Variants in DTNA observed in about 807,000 individuals in gnomAD.
DTNA encodes the protein dystrobrevin alpha.
A neutral mutation model predicts 100.7 loss-of-function variants in DTNA; 43 were observed. That is an observed-to-expected ratio of 0.43 (90% CI 0.33 to 0.55). The LOEUF is 0.55. DTNA is among the 20% of genes least tolerant of loss of function. The pLI is 0.04. For synonymous variants in DTNA, 349 were observed against 347.9 expected (o/e 1.00, Z -0.04); for missense variants, 798 against 953.9 (o/e 0.84, Z 2.15).
At chr18:34,587,818 C>T (rs2049292086) in intron 1 of DTNA, among the ~76,000 whole-genome samples, 1 of 152,160 alleles carries the variant, frequency 6.6e-6, no homozygotes, top group African/African-American at 2.4e-5. Flanking sequence ...TTCCAGATCA[C>T]ATATATAGGA....
chr18:34,807,152 A>C (rs2095382946), intron 5 of DTNA, among the ~76,000 whole-genome samples: 1 of 152,128 alleles, frequency 6.6e-6, no homozygotes, highest in African/African-American at 2.4e-5. Context: ...AAGCATATTT[A>C]TTTCTAACTA....
intron 1 of DTNA, among the ~76,000 whole-genome samples, chr18:34,607,017 A>T (rs2147365919): frequency 6.6e-6 from 1 of 152,314 alleles, no homozygotes; most frequent in African/African-American, 2.4e-5. Context: ...TTCCCACGAA[A>T]GGGACTGAAG....
At chr18:34,520,193 C>T (rs1015737124) in intron 1 of DTNA, among the ~76,000 whole-genome samples, 1 of 152,152 alleles carries the variant, frequency 6.6e-6, no homozygotes, top group Non-Finnish European at 1.5e-5. Context: ...TCTTAACAGC[C>T]AGTGTTGACA....
intron 1 of DTNA, among the ~76,000 whole-genome samples, chr18:34,697,118 G>A (rs551401817): frequency 1.3e-5 from 2 of 149,816 alleles, no homozygotes; most frequent in Non-Finnish European, 2.9e-5. Context: ...CTTCTAAAAA[G>A]TACAAAGGCT....
intron 1 of DTNA, among the ~76,000 whole-genome samples, chr18:34,581,769 G>T (rs1171766632): frequency 6.6e-6 from 1 of 151,824 alleles, no homozygotes; most frequent in Non-Finnish European, 1.5e-5. Context: ...GACTACAGGT[G>T]CACACCACCA....
intron 1 of DTNA, among the ~76,000 whole-genome samples, chr18:34,679,275 ATG>A (rs1244872355): frequency 6.6e-5 from 10 of 152,234 alleles, no homozygotes; most frequent in Admixed American, 6.5e-4. Flanking sequence ...TCTACCATAA[ATG>A]TCTGTTATTA....
At chr18:34,667,587 A>T (rs1244755663) in intron 1 of DTNA, among the ~76,000 whole-genome samples, 9 of 151,540 alleles carry the variant, frequency 5.9e-5, no homozygotes, top group African/African-American at 1.2e-4. Flanking sequence ...TATTATTTTT[A>T]GATATGTCCC....
At chr18:34,669,715 G>C (rs2144979254) in intron 1 of DTNA, among the ~76,000 whole-genome samples, 1 of 152,232 alleles carries the variant, frequency 6.6e-6, no homozygotes, top group East Asian at 1.9e-4. Context: ...TGAAATTCTG[G>C]GTCGAAAATT....
At chr18:34,821,295 CT>C (rs2095710392) in intron 9 of DTNA, among the ~76,000 whole-genome samples, 1 of 152,086 alleles carries the variant, frequency 6.6e-6, no homozygotes. Context: ...AATATAAAAG[CT>C]GTTTGTTTTA....
intron 1 of DTNA, among the ~76,000 whole-genome samples, chr18:34,678,635 G>C (rs2077683167): frequency 6.6e-6 from 1 of 152,182 alleles, no homozygotes. Flanking sequence ...GGAGAAGCAA[G>C]GAAGAAAGGG....
intron 1 of DTNA, chr18:34,663,085 A>AC (rs2075412348): frequency 6.6e-6 from 1 of 152,194 alleles, no homozygotes; most frequent in Non-Finnish European, 1.5e-5. Context: ...GTGAAAAACA[A>AC]AGCAAGCAAC....
intron 1 of DTNA, among the ~76,000 whole-genome samples, chr18:34,636,366 C>T (rs1226467205): frequency 6.6e-6 from 1 of 152,168 alleles, no homozygotes; most frequent in African/African-American, 2.4e-5. Context: ...CCTCCTGCCT[C>T]GGCCTCCCAA....
intron 16 of DTNA, 28 bp downstream of exon 16, chr18:34,858,426 G>A (rs1475242729): frequency 6.2e-7 from 1 of 1,604,704 alleles, no homozygotes; most frequent in East Asian, 2.2e-5. Flanking sequence ...TGTCATCTCA[G>A]GGAATATATA....
At chr18:34,619,491 G>A (rs1194703827) in intron 1 of DTNA, among the ~76,000 whole-genome samples, 1 of 152,152 alleles carries the variant, frequency 6.6e-6, no homozygotes, top group East Asian at 1.9e-4. Context: ...CAGTGATAAT[G>A]TCAATGAGAT....
At chr18:34,818,634 A>G (rs1362681502) in intron 8 of DTNA, 2 of 1,181,530 alleles carry the variant, frequency 1.7e-6, no homozygotes, top group Non-Finnish European at 2.1e-6. Context: ...CTGGAACATA[A>G]TCTTACATTC....
chr18:34,539,741 G>A lies in DTNA; in HGVS notation c.-2+46227G>A, dbSNP rs1488921501. On this transcript the variant is annotated intron_variant, in intron 1 of 19. Coordinates refer to the DTNA transcript ENST00000283365. ...TAGGGTGTTTAAAGATATAAACCTT[G>A]GACTAAAGTGATTTAGGAATTCTGT... Among the ~76,000 whole-genome samples the A allele has an allele frequency of 2.0e-5, 3 of 151,694 alleles. No individual in the cohort carries two copies. The East Asian group carries it at 5.8e-4, about 29-fold the overall frequency.
At chr18:34,572,276 T>C (rs2047663398) in intron 1 of DTNA, among the ~76,000 whole-genome samples, 1 of 152,204 alleles carries the variant, frequency 6.6e-6, no homozygotes. Context: ...CTGCTGTTTT[T>C]CTTACCTTTC....
intron 1 of DTNA, among the ~76,000 whole-genome samples, chr18:34,555,349 G>A (rs1426675964): frequency 6.7e-6 from 1 of 148,976 alleles, no homozygotes; most frequent in Admixed American, 6.6e-5. Context: ...TTAATTTTTT[G>A]AAAGGTTTTT....
chr18:34,543,892 C>T (rs1387217519), intron 1 of DTNA, among the ~76,000 whole-genome samples: 2 of 152,042 alleles, frequency 1.3e-5, no homozygotes, highest in Non-Finnish European at 2.9e-5. Flanking sequence ...GAAAAATAAG[C>T]CTGAGCTACA....
Sources: gnomAD v4.1 joint callset for allele counts (sites outside exome capture counted in the v4.1 genomes callset) on GRCh38, gnomAD v4.1.1 for gene constraint, MANE v1.5 for transcripts, NCBI Gene and HGNC (gene_info 2026-07-23, HGNC 2026-07-21) for gene names.